KCNJ6: variants seen among roughly 807,000 people sequenced by gnomAD.
The protein encoded by KCNJ6 is G protein-activated inward rectifier potassium channel 2.
KCNJ6 carries 9 observed loss-of-function variants against 34.2 expected under a neutral mutation model. The ratio of observed to expected loss-of-function variants is 0.26; its 90% CI spans 0.16 to 0.46. The LOEUF (loss-of-function observed/expected upper bound fraction) is 0.46, where lower values mean the gene tolerates loss of function less well. KCNJ6 is among the 20% of genes least tolerant of loss of function. The pLI is 1.00. For synonymous variants in KCNJ6, 196 were observed against 207.1 expected, an observed-to-expected ratio of 0.95 and a Z score of 0.46; for missense variants, 236 against 531.3, an observed-to-expected ratio of 0.44 and a Z score of 5.46.
chr21:37,661,171 T>G (rs993866949), intron 3 of KCNJ6, among the ~76,000 whole-genome samples: 1 of 152,216 alleles, frequency 6.6e-6, no homozygotes, highest in African/African-American at 2.4e-5. Flanking sequence ...TTAATAGTTA[T>G]TTGATAACTG....
rs185617384 is a variant in KCNJ6, at chr21:37,773,040, C to T, written c.26-57909G>A. 8.5e-5 allele frequency among the ~76,000 whole-genome samples: 13 copies of T among 152,284 alleles called. No homozygotes were observed. The East Asian group carries it at 2.1e-3, about 25-fold the overall frequency. On this transcript the variant is annotated intron_variant, in intron 2 of 3. Coordinates refer to ENST00000609713, the MANE Select transcript of KCNJ6 (RefSeq NM_002240.5). Reference sequence around the variant, plus strand: ...TTTTCTACTTCTCTAACACGATAGCCATTCTCGGGCAGTTCCAGGGCCTTC... The same window carrying T: ...TTTTCTACTTCTCTAACACGATAGCTATTCTCGGGCAGTTCCAGGGCCTTC...
intron 2 of KCNJ6, among the ~76,000 whole-genome samples, chr21:37,805,387 A>G (rs2055288825): frequency 6.6e-6 from 1 of 151,656 alleles, no homozygotes; most frequent in South Asian, 2.1e-4. Flanking sequence ...AGTAAAGATG[A>G]TGATAAAAAT....
chr21:37,728,426 T>A (rs190269154), intron 2 of KCNJ6, among the ~76,000 whole-genome samples: 1 of 152,342 alleles, frequency 6.6e-6, no homozygotes, highest in Non-Finnish European at 1.5e-5. Context: ...TAAGAATCGT[T>A]AAAATGATAA....
chr21:37,733,060 G>A (rs1289738663), intron 2 of KCNJ6, among the ~76,000 whole-genome samples: 1 of 152,180 alleles, frequency 6.6e-6, no homozygotes, highest in African/African-American at 2.4e-5. Flanking sequence ...CACCTTTAAT[G>A]CACACTCTAT....
chr21:37,629,054 AAAAT>A (rs1297338861), intron 3 of KCNJ6, among the ~76,000 whole-genome samples: 1 of 152,202 alleles, frequency 6.6e-6, no homozygotes, highest in Non-Finnish European at 1.5e-5. Flanking sequence ...CCTTCAGACT[AAAAT>A]AAAAAGACAC....
intron 2 of KCNJ6, among the ~76,000 whole-genome samples, chr21:37,767,636 T>C (rs928835804): frequency 6.6e-6 from 1 of 152,206 alleles, no homozygotes. Flanking sequence ...CTGATCTAGA[T>C]CTAAGAAAGT....
chr21:37,850,583 G>A (rs572894753), intron 1 of KCNJ6, among the ~76,000 whole-genome samples: 36 of 151,984 alleles, frequency 2.4e-4, no homozygotes, highest in South Asian at 1.0e-3. Flanking sequence ...CCCCTGGTCC[G>A]TGGAAAAATT....
intron 2 of KCNJ6, among the ~76,000 whole-genome samples, chr21:37,794,081 C>A (rs2055229854): frequency 6.6e-6 from 1 of 152,170 alleles, no homozygotes; most frequent in East Asian, 1.9e-4. Context: ...GTGTGTGTGT[C>A]TGTGTATGTG....
At chr21:37,814,217 CCCCATTTAAA>C (rs780917705) in intron 2 of KCNJ6, among the ~76,000 whole-genome samples, 2 of 152,148 alleles carry the variant, frequency 1.3e-5, no homozygotes, top group Non-Finnish European at 2.9e-5. Flanking sequence ...TATCATTTCA[CCCCATTTAAA>C]ATAGCTTATA....
intron 2 of KCNJ6, among the ~76,000 whole-genome samples, chr21:37,738,470 A>G (rs577545635): frequency 6.6e-6 from 1 of 152,370 alleles, no homozygotes; most frequent in Admixed American, 6.5e-5. Context: ...ACGCAAGTAC[A>G]TACACTAAAG....
intron 3 of KCNJ6, among the ~76,000 whole-genome samples, chr21:37,651,607 G>A (rs2054433991): frequency 6.6e-6 from 1 of 152,162 alleles, no homozygotes; most frequent in African/African-American, 2.4e-5. Flanking sequence ...CTTGATGCTG[G>A]GTTGGAAATG....
chr21:37,608,393 A>G lies in KCNJ6; in HGVS notation c.*16766T>C, dbSNP rs960782507. 2.0e-5 allele frequency: 3 copies of G among 152,252 alleles called. No homozygotes were observed. Among genetic ancestry groups the G allele is most frequent in the Admixed American group, 6.5e-5 (1 of 15,282 alleles). The allele number at this position is 152,252 out of a possible 1,614,324, so 9.4% of individuals were successfully genotyped here. The stretch of plus-strand genomic sequence containing the variant: ...GGCTAATCTTGAATTCCTGGGCTCA[A>G]GCAATCCTCCCACCTTGGCCTCTCA... On this transcript the variant is annotated 3_prime_UTR_variant, in exon 4 of 4. Coordinates refer to ENST00000609713, the MANE Select transcript of KCNJ6 (RefSeq NM_002240.5).
At chr21:37,668,428 T>G (rs542622131) in intron 3 of KCNJ6, among the ~76,000 whole-genome samples, 1 of 147,084 alleles carries the variant, frequency 6.8e-6, no homozygotes, top group East Asian at 2.0e-4. Context: ...CCCCTCTGTG[T>G]GTGTCTGTGT....
At chr21:37,858,392 C>CAAA (rs60814205) in intron 1 of KCNJ6, among the ~76,000 whole-genome samples, 1,503 of 54,352 alleles carry the variant, frequency 0.028, 78 homozygotes, top group East Asian at 0.057. Flanking sequence ...GACTCCGTCT[C>CAAA]AAAAAAAAAA....
chr21:37,655,233 GAGAGAGAGA>G (rs2054456902), intron 3 of KCNJ6, among the ~76,000 whole-genome samples: 1 of 2,486 alleles, frequency 4.0e-4, no homozygotes, highest in African/African-American at 1.1e-3. Flanking sequence ...GTGAGAGAGA[GAGAGAGAGA>G]GAGAGAGAGA....
At chr21:37,629,601 A>C (rs930785392) in intron 3 of KCNJ6, among the ~76,000 whole-genome samples, 1 of 152,194 alleles carries the variant, frequency 6.6e-6, no homozygotes, top group Non-Finnish European at 1.5e-5. Flanking sequence ...GAACAGAGGG[A>C]GGAGATGGCC....
chr21:37,873,591 C>G (rs2055663053), intron 1 of KCNJ6, among the ~76,000 whole-genome samples: 1 of 152,202 alleles, frequency 6.6e-6, no homozygotes, highest in East Asian at 1.9e-4. Flanking sequence ...TTCATTGACC[C>G]TAATCTATAA....
intron 2 of KCNJ6, among the ~76,000 whole-genome samples, chr21:37,758,413 T>C (rs2055042416): frequency 6.6e-6 from 1 of 152,158 alleles, no homozygotes; most frequent in Non-Finnish European, 1.5e-5. Flanking sequence ...AAGATGGGAG[T>C]ATCCACAGTG....
At chr21:37,641,975 C>A (rs760582779) in intron 3 of KCNJ6, among the ~76,000 whole-genome samples, 7 of 152,238 alleles carry the variant, frequency 4.6e-5, no homozygotes, top group Non-Finnish European at 8.8e-5. Context: ...CCGAGAAGGA[C>A]ACCCAGGTTT....
Sources: allele counts gnomAD v4.1 joint callset (sites outside exome capture counted in the v4.1 genomes callset), GRCh38; gene constraint gnomAD v4.1.1; transcripts MANE v1.5; gene names NCBI Gene and HGNC (gene_info 2026-07-23, HGNC 2026-07-21).